The following CHAF1A variants were observed in gnomAD, a reference collection of about 807,000 sequenced individuals.
CHAF1A encodes CAF-1 subunit A.
CHAF1A carries 5 observed loss-of-function variants against 93.2 expected under a neutral mutation model. The observed-to-expected ratio is 0.05, with a 90% CI of 0.03 to 0.11. The LOEUF (loss-of-function observed/expected upper bound fraction) is 0.11, where lower values mean the gene tolerates loss of function less well. Among genes scored for constraint, CHAF1A ranks in the 10% least tolerant of loss-of-function variants. The pLI, the probability that CHAF1A is intolerant of heterozygous loss-of-function variation, is 1.00. For synonymous variants in CHAF1A, 504 were observed against 510.3 expected (o/e 0.99, Z 0.17); for missense variants, 1,102 against 1,259.9 (o/e 0.87, Z 1.90).
rs760566639 is a variant in CHAF1A at position 4,409,707 on chromosome 19, C to A, written c.908C>A (p.Pro303Gln). The A allele has an allele frequency of 1.2e-6, 2 of 1,613,984 alleles. No homozygotes were observed. Among genetic ancestry groups the A allele is most frequent in the Non-Finnish European group, 1.7e-6 (2 of 1,180,008 alleles). ...TSSPEGPPAP[P>Q]KQHSSTSPFP... Reference sequence around the variant, plus strand: ...TCGCCCGAGGGGCCGCCTGCTCCCCCAAAGCAGCACAGCAGTACCAGTCCC... The same window carrying A: ...TCGCCCGAGGGGCCGCCTGCTCCCCAAAAGCAGCACAGCAGTACCAGTCCC... The change falls in exon 3 of 15, where the codon CCA becomes CAA. Residue 303 changes from proline to glutamine, a missense_variant. This residue lies in a region of CHAF1A where 379 missense variants were observed against 365.7 expected (regional missense o/e 1.04). Transcript: ENST00000301280.
At chr19:4,447,967 G>C (rs1974573044), downstream of CHAF1A, 1 of 502,044 alleles carries the variant, frequency 2.0e-6, no homozygotes, top group Non-Finnish European at 3.6e-6. Context: ...GGCTCCTGCG[G>C]GGTGCTCCCT....
chr19:4,448,022 T>C (rs1161820701), downstream of CHAF1A: 4 of 527,422 alleles, frequency 7.6e-6, no homozygotes, highest in Admixed American at 6.4e-5. Context: ...CCCCCGATCC[T>C]GAGACCCGGG....
At chr19:4,427,381 G>C (rs1242826638) in intron 7 of CHAF1A, among the ~76,000 whole-genome samples, 2 of 145,370 alleles carry the variant, frequency 1.4e-5, no homozygotes, top group African/African-American at 5.2e-5. Flanking sequence ...CCAGGTTGGA[G>C]TGGTGCAGTG....
chr19:4,405,891 C>T, intron 1 of CHAF1A, 21 bp from the exon 2 acceptor site: 1 of 1,610,138 alleles, frequency 6.2e-7, no homozygotes, highest in Non-Finnish European at 8.5e-7. Flanking sequence ...ACAGTTTACC[C>T]TTTGACACTT....
chr19:4,439,658 C>T (rs556612381), intron 13 of CHAF1A, among the ~76,000 whole-genome samples: 19 of 152,380 alleles, frequency 1.2e-4, no homozygotes, highest in Admixed American at 3.9e-4. Flanking sequence ...CGTCCCCAGA[C>T]ACCTCCAGAT....
rs1974192028 is a variant in CHAF1A, at chr19:4,432,021, G to A, written c.2017G>A (p.Ala673Thr). Residue 673 changes from alanine to threonine, a missense_variant, in exon 12 of 15, where the codon GCT becomes ACT. Transcript: ENST00000301280. ...GGCCAAGGAGTGGGACGAGTTCCTG[G>A]CTAAGGGGAAGCGCTTTCGCGTCCT... ...LKAKEWDEFL[A>T]KGKRFRVLQP... 6.2e-7 allele frequency: 1 copy of A among 1,614,062 alleles called. No individual in the cohort carries two copies. The highest frequency in any genetic ancestry group is 1.3e-5 in the African/African-American group (1 of 74,926).
chr19:4,444,258 G>A (rs1382588336), downstream of CHAF1A, among the ~76,000 whole-genome samples: 5 of 152,278 alleles, frequency 3.3e-5, no homozygotes, highest in South Asian at 2.1e-4. Flanking sequence ...CATAGGCCCC[G>A]GGCACCTCCC....
In CHAF1A at chr19:4,411,611, A is replaced by C. The variant is rs1375070625; in HGVS notation, c.960+1852A>C. Among the ~76,000 whole-genome samples the C allele has an allele frequency of 3.0e-5, 4 of 133,868 alleles. No homozygotes were observed. The East Asian group carries it at 8.6e-4, about 29-fold the overall frequency. The allele number at this position is 133,868 out of a possible 152,430, so 87.8% of individuals were successfully genotyped here. ...AAAAGGAAAAAATGGCTTCCTCTTT[A>C]GGTTTATGAAATGTTGTAAAAATGG... On this transcript the variant is annotated intron_variant, in intron 3 of 14. Coordinates refer to ENST00000301280, the MANE Select transcript of CHAF1A (RefSeq NM_005483.3).
chr19:4,441,898 A>G (rs1974397203), intron 13 of CHAF1A, among the ~76,000 whole-genome samples: 1 of 151,580 alleles, frequency 6.6e-6, no homozygotes. Context: ...ACTCCGTCTC[A>G]AAAAAAAATA....
At chr19:4,410,463 C>T (rs1016708932) in intron 3 of CHAF1A, among the ~76,000 whole-genome samples, 1 of 150,760 alleles carries the variant, frequency 6.6e-6, no homozygotes, top group Non-Finnish European at 1.5e-5. Context: ...TCACTGCAAC[C>T]TCCACCTCCC....
intron 1 of CHAF1A, among the ~76,000 whole-genome samples, chr19:4,404,595 G>A (rs868481349): frequency 2.6e-5 from 4 of 152,266 alleles, no homozygotes; most frequent in African/African-American, 4.8e-5. Flanking sequence ...AGCTTGGGGC[G>A]GTGGGTGAGG....
chr19:4,431,916 G>A (rs755737471), intron 11 of CHAF1A, 36 bp from the exon 12 acceptor site: 26 of 1,569,174 alleles, frequency 1.7e-5, no homozygotes, highest in Non-Finnish European at 2.3e-5. Context: ...AGGGGAGCAA[G>A]AACCCCAAAT....
chr19:4,450,636 G>A, the CHAF1A span: 1 of 152,086 alleles, frequency 6.6e-6, no homozygotes, highest in African/African-American at 2.4e-5. Flanking sequence ...CGGTTCGCCT[G>A]TGGTCCCAGC....
intron 1 of CHAF1A, among the ~76,000 whole-genome samples, chr19:4,404,333 AG>A (rs1973642151): frequency 6.6e-6 from 1 of 152,182 alleles, no homozygotes; most frequent in Non-Finnish European, 1.5e-5. Flanking sequence ...TTTTTTAATG[AG>A]GGTGGGTCCT....
chr19:4,431,514 C>G (rs563009440), intron 11 of CHAF1A, among the ~76,000 whole-genome samples: 3 of 152,190 alleles, frequency 2.0e-5, no homozygotes. Flanking sequence ...GTGGGACTGT[C>G]TCATGGTTGG....
chr19:4,446,240 C>G, downstream of CHAF1A: 1 of 1,574,100 alleles, frequency 6.4e-7, no homozygotes, highest in South Asian at 1.1e-5. Flanking sequence ...CCAGGGCCCC[C>G]TACCAACCCG....
At chr19:4,417,192 A>T (rs773301036) in intron 3 of CHAF1A, among the ~76,000 whole-genome samples, 28 of 152,014 alleles carry the variant, frequency 1.8e-4, no homozygotes, top group Non-Finnish European at 3.4e-4. Context: ...GCTGGTCTTG[A>T]ACTCCTGGGC....
chr19:4,446,257 C>CT (rs753164736), downstream of CHAF1A: 6 of 1,569,414 alleles, frequency 3.8e-6, no homozygotes, highest in Non-Finnish European at 5.2e-6. Context: ...CCCGAGCCGC[C>CT]CTCCACGGGC....
chr19:4,420,690 CCA>C (rs1305612213), intron 4 of CHAF1A, among the ~76,000 whole-genome samples: 1 of 152,122 alleles, frequency 6.6e-6, no homozygotes, highest in Non-Finnish European at 1.5e-5. Context: ...CCCCATAATC[CCA>C]CACTTTGGGA....
Sources: allele counts gnomAD v4.1 joint callset (sites outside exome capture counted in the v4.1 genomes callset), GRCh38; gene constraint gnomAD v4.1.1; regional missense constraint gnomAD v4.1.1; transcripts MANE v1.5; gene names NCBI Gene and HGNC (gene_info 2026-07-23, HGNC 2026-07-21).